TENM2: variants seen among roughly 807,000 people sequenced by gnomAD.
TENM2 encodes teneurin-2.
TENM2 carries 52 observed loss-of-function variants against 245.2 expected under a neutral mutation model. The observed-to-expected ratio is 0.21, with a 90% confidence interval of 0.17 to 0.27. TENM2 has a LOEUF of 0.27. TENM2 is among the 10% of genes least tolerant of loss of function. The probability of loss-of-function intolerance (pLI) is 1.00; values close to 1 mark genes in which losing one functional copy is unlikely to be tolerated. For synonymous variants in TENM2, 1,363 were observed against 1,438.9 expected (o/e 0.95, Z 1.19); for missense variants, 3,046 against 3,666.8 (o/e 0.83, Z 4.37).
chr5:167,339,674 G>A (rs1008732394), intron 1 of TENM2, among the ~76,000 whole-genome samples: 4 of 151,500 alleles, frequency 2.6e-5, no homozygotes, highest in African/African-American at 9.7e-5. Context: ...TATGGTATGT[G>A]TCTCCCAAAA....
intron 2 of TENM2, among the ~76,000 whole-genome samples, chr5:167,475,789 A>T (rs778860821): frequency 6.6e-6 from 1 of 152,054 alleles, no homozygotes; most frequent in Admixed American, 6.6e-5. Context: ...GAGGATGATG[A>T]CTTCCAGCTT....
intron 1 of TENM2, among the ~76,000 whole-genome samples, chr5:167,368,564 T>C (rs1397126488): frequency 6.6e-6 from 1 of 152,172 alleles, no homozygotes; most frequent in Non-Finnish European, 1.5e-5. Flanking sequence ...TCCTGGCCAA[T>C]TGAAATATTA....
At chr5:168,161,240 A>G (rs1399233757) in intron 12 of TENM2, among the ~76,000 whole-genome samples, 2 of 152,196 alleles carry the variant, frequency 1.3e-5, no homozygotes, top group African/African-American at 2.4e-5. Flanking sequence ...ATCCTCTGCC[A>G]TGGCCCAATC....
the TENM2 span, among the ~76,000 whole-genome samples, chr5:167,153,098 TACACACACAC>T: frequency 6.8e-6 from 1 of 147,354 alleles, no homozygotes. Context: ...AATGAATACA[TACACACACAC>T]ACACACACAC....
chr5:167,218,782 A>G, the TENM2 span, among the ~76,000 whole-genome samples: 1 of 152,238 alleles, frequency 6.6e-6, no homozygotes, highest in Non-Finnish European at 1.5e-5. Context: ...TAAGATACAC[A>G]TAGGACTTCC....
At chr5:167,565,409 C>T (rs1264458571) in intron 2 of TENM2, among the ~76,000 whole-genome samples, 2 of 152,212 alleles carry the variant, frequency 1.3e-5, no homozygotes, top group African/African-American at 4.8e-5. Flanking sequence ...CATGGTATTG[C>T]ACTCACAGCA....
the TENM2 span, among the ~76,000 whole-genome samples, chr5:167,151,230 T>C: frequency 6.6e-6 from 1 of 152,172 alleles, no homozygotes; most frequent in Non-Finnish European, 1.5e-5. Flanking sequence ...ACAGTGGAAT[T>C]GATGGCATTT....
chr5:167,221,147 G>A, the TENM2 span, among the ~76,000 whole-genome samples: 10 of 152,122 alleles, frequency 6.6e-5, no homozygotes, highest in African/African-American at 2.4e-4. Flanking sequence ...ACTTTATAAG[G>A]GTTTGGGGAT....
chr5:168,235,948 C>A (rs750051886), intron 25 of TENM2, among the ~76,000 whole-genome samples: 1 of 152,102 alleles, frequency 6.6e-6, no homozygotes, highest in South Asian at 2.1e-4. Flanking sequence ...GTAGGAATTT[C>A]CCAGGCATGG....
intron 2 of TENM2, among the ~76,000 whole-genome samples, chr5:167,377,948 A>G (rs1339422206): frequency 6.6e-6 from 1 of 152,108 alleles, no homozygotes; most frequent in Non-Finnish European, 1.5e-5. Context: ...CTTGAAGAGG[A>G]AGTAACAGGA....
chr5:167,977,367 TTAAAA>T (rs2151954673), intron 4 of TENM2, among the ~76,000 whole-genome samples: 1 of 152,310 alleles, frequency 6.6e-6, no homozygotes, highest in East Asian at 1.9e-4. Flanking sequence ...CTATCACATA[TTAAAA>T]TAAGACGAGT....
chr5:167,039,757 A>G, the TENM2 span, among the ~76,000 whole-genome samples: 1 of 152,182 alleles, frequency 6.6e-6, no homozygotes, highest in South Asian at 2.1e-4. Context: ...TACAACTATA[A>G]CTAAAATAAC....
chr5:167,122,294 C>T, the TENM2 span, among the ~76,000 whole-genome samples: 1 of 152,054 alleles, frequency 6.6e-6, no homozygotes, highest in African/African-American at 2.4e-5. Flanking sequence ...AACAATACAC[C>T]GAGCCTATTG....
chr5:168,249,118 T>G (rs1347790490), intron 27 of TENM2, among the ~76,000 whole-genome samples: 2 of 128,720 alleles, frequency 1.6e-5, no homozygotes, highest in East Asian at 4.0e-4. Context: ...AGCAAGACCC[T>G]GTCTCAAAAA....
intron 2 of TENM2, among the ~76,000 whole-genome samples, chr5:167,759,051 A>G: frequency 6.6e-6 from 1 of 150,860 alleles, no homozygotes; most frequent in East Asian, 1.9e-4. Context: ...TGCAGTGGTT[A>G]AAAACATAGA....
chr5:167,185,248 T>C, the TENM2 span, among the ~76,000 whole-genome samples: 1 of 152,186 alleles, frequency 6.6e-6, no homozygotes, highest in African/African-American at 2.4e-5. Context: ...GGCTTCTTTT[T>C]CTGCTCACCA....
At chr5:167,171,785 T>C in the TENM2 span, among the ~76,000 whole-genome samples, 3 of 152,174 alleles carry the variant, frequency 2.0e-5, no homozygotes, top group Non-Finnish European at 4.4e-5. Flanking sequence ...TTCTGAACTC[T>C]TTCTATTATC....
At chr5:166,995,536 C>T in the TENM2 span, among the ~76,000 whole-genome samples, 7 of 152,012 alleles carry the variant, frequency 4.6e-5, no homozygotes, top group East Asian at 1.9e-4. Flanking sequence ...CCACCGCGCC[C>T]GGCCACATGT....
chr5:167,542,233 A>T (rs1772258868), intron 2 of TENM2, among the ~76,000 whole-genome samples: 1 of 152,192 alleles, frequency 6.6e-6, no homozygotes, highest in African/African-American at 2.4e-5. Flanking sequence ...TTATAACAAA[A>T]AATGCCATAA....
Sources: allele counts gnomAD v4.1 joint callset (sites outside exome capture counted in the v4.1 genomes callset), GRCh38; gene constraint gnomAD v4.1.1; transcripts MANE v1.5; gene names NCBI Gene and HGNC (gene_info 2026-07-23, HGNC 2026-07-21).